The following MAP3K19 variants were observed in gnomAD, a reference collection of about 807,000 sequenced individuals.
The protein encoded by MAP3K19 is mitogen-activated protein kinase kinase kinase 19, also known as SPS1/STE20-related protein kinase YSK4.
In MAP3K19, 91 loss-of-function variants were observed where a neutral mutation model predicts 114.4. The ratio of observed to expected loss-of-function variants is 0.80; its 90% confidence interval spans 0.67 to 0.95. The LOEUF is 0.95. MAP3K19 is among the 40% of genes least tolerant of loss of function. The pLI is 0.00. For synonymous variants in MAP3K19, 518 were observed against 530.5 expected (o/e 0.98, Z 0.32); for missense variants, 1,471 against 1,573.2 (o/e 0.94, Z 1.10).
chr2:134,977,003 A>G (rs1308250076), intron 12 of MAP3K19, among the ~76,000 whole-genome samples: 1 of 148,716 alleles, frequency 6.7e-6, no homozygotes, highest in African/African-American at 2.5e-5. Flanking sequence ...CCAAGGTCAC[A>G]CCACCGCATT....
Position 134,985,983 on chromosome 2 carries a change from T to G in MAP3K19, c.2889A>C (p.Glu963Asp), listed in dbSNP as rs1685066637. The G allele has an allele frequency of 6.2e-7, 1 of 1,613,654 alleles. No homozygotes were observed. Among genetic ancestry groups the G allele is most frequent in the African/African-American group, 1.3e-5 (1 of 74,920 alleles). Residue 963 changes from glutamate to aspartate, a missense_variant, in exon 10 of 13, where the codon GAA (glutamate) becomes GAC (aspartate). Glu to Asp is a conservative substitution (Grantham distance 45, BLOSUM62 2). Coordinates refer to ENST00000392915, the MANE Select transcript of MAP3K19 (RefSeq NM_025052.5). Reference sequence around the variant, plus strand: ...AACCTAATAGTTCATCTGTCAATTCTTCATTATTTACAGAGTCCATAATTT... The same window carrying G: ...AACCTAATAGTTCATCTGTCAATTCGTCATTATTTACAGAGTCCATAATTT... The part of the protein sequence containing the change: ...SQEIMDSVNN[E>D]ELTDELLGCL...
In MAP3K19 at chr2:134,977,047, G is replaced by GAAAAAA. The variant is rs369837575; in HGVS notation, c.3920+3768_3920+3773dup. 1.1e-4 allele frequency among the ~76,000 whole-genome samples: 13 copies of GAAAAAA among 116,196 alleles called. 1 individual carries two copies. The highest frequency in any genetic ancestry group is 4.1e-4 in the African/African-American group (13 of 31,390). 76.2% of individuals were successfully genotyped at this position (116,196 alleles called of 152,430 possible). A position where few individuals can be genotyped will look rare whatever the true frequency, so the allele number is the denominator to read the frequency against. On this transcript the variant is annotated intron_variant, in intron 12 of 12. Transcript: ENST00000392915. The stretch of plus-strand genomic sequence containing the variant: ...GGTAACAAAGCAAGACTCCGTCTCG[G>GAAAAAA]AAAAAAAAAAAAAAAAAAAATTCTT...
rs151074467 is a variant in MAP3K19, at chr2:135,020,726, G to T, written c.138+989C>A. Among the ~76,000 whole-genome samples the T allele has an allele frequency of 1.6e-3, 241 of 152,260 alleles. 4 individuals are homozygous for T. In the East Asian group the frequency reaches 0.043, roughly 27 times the overall value. ...TCCCCCATACTGTTCTTGTGATAGT[G>T]GGGGAGTTCTCACAAGATCTGATGG... On this transcript the variant is annotated intron_variant, in intron 5 of 12. Coordinates refer to ENST00000392915, the MANE Select transcript of MAP3K19 (RefSeq NM_025052.5).
In MAP3K19 at chr2:135,036,557, T is replaced by A. The variant is rs142294127; in HGVS notation, c.-284+3806A>T. On this transcript the variant is annotated intron_variant, in intron 2 of 12. Transcript: ENST00000392915. The stretch of plus-strand genomic sequence containing the variant: ...GGAGGGTAAGGTTTGGGAAGAAAGA[T>A]GATGAAGATAATTTTGGACATGTTA... 5.3e-5 allele frequency among the ~76,000 whole-genome samples: 8 copies of A among 152,108 alleles called. No individual in the cohort carries two copies. The East Asian group carries it at 1.5e-3, about 29-fold the overall frequency.
At chr2:135,046,255 T>C (rs1466374998) in intron 1 of MAP3K19, among the ~76,000 whole-genome samples, 6 of 152,188 alleles carry the variant, frequency 3.9e-5, no homozygotes, top group African/African-American at 1.4e-4. Context: ...TTTCTCAATT[T>C]TCCATTTAGA....
intron 5 of MAP3K19, among the ~76,000 whole-genome samples, chr2:135,016,274 A>G (rs1687582059): frequency 6.6e-6 from 1 of 152,216 alleles, no homozygotes; most frequent in South Asian, 2.1e-4. Flanking sequence ...ATTGTTTTGT[A>G]TATGACTATC....
intron 6 of MAP3K19, 43 bp downstream of exon 6, chr2:135,005,392 T>C: frequency 7.1e-7 from 1 of 1,402,090 alleles, no homozygotes; most frequent in Non-Finnish European, 1.0e-6. Flanking sequence ...GCCCATATGA[T>C]AATGTTATCT....
chr2:135,005,710 A>G (rs7569995), intron 5 of MAP3K19, among the ~76,000 whole-genome samples, 179 bp from the exon 6 acceptor site: 37,698 of 152,182 alleles, frequency 0.25, 5,802 homozygotes, highest in African/African-American at 0.4. Context: ...CTAGGCTCAG[A>G]CAGTCATGGT....
At chr2:135,031,717 C>G (rs11891406) in intron 2 of MAP3K19, among the ~76,000 whole-genome samples, 9,009 of 152,132 alleles carry the variant, frequency 0.059, 515 homozygotes, top group African/African-American at 0.15. Flanking sequence ...GAGACGACAG[C>G]GACTGAACAA....
At chr2:135,045,156 C>T (rs1190750525) in intron 1 of MAP3K19, among the ~76,000 whole-genome samples, 2 of 152,182 alleles carry the variant, frequency 1.3e-5, no homozygotes, top group Non-Finnish European at 2.9e-5. Context: ...GCCAGATTGT[C>T]CTCCAGAATG....
intron 8 of MAP3K19, among the ~76,000 whole-genome samples, chr2:134,998,125 G>A (rs147238142): frequency 5.6e-4 from 85 of 152,274 alleles, no homozygotes; most frequent in Middle Eastern, 3.4e-3. Flanking sequence ...GCTCAATGTA[G>A]TTGGAAGTTG....
At chr2:134,990,342 C>A (rs1359143328) in intron 9 of MAP3K19, among the ~76,000 whole-genome samples, 1 of 152,200 alleles carries the variant, frequency 6.6e-6, no homozygotes, top group African/African-American at 2.4e-5. Context: ...CCCTCCTGTT[C>A]CTCCTCGTCC....
At chr2:135,025,353 C>T (rs781759734) in intron 3 of MAP3K19, among the ~76,000 whole-genome samples, 3 of 146,594 alleles carry the variant, frequency 2.0e-5, no homozygotes, top group Non-Finnish European at 4.5e-5. Context: ...CCAAAGTGTG[C>T]CTCTCCACAT....
At chr2:135,041,842 AG>A (rs1191827617) in intron 1 of MAP3K19, among the ~76,000 whole-genome samples, 1 of 139,864 alleles carries the variant, frequency 7.1e-6, no homozygotes, top group Non-Finnish European at 1.6e-5. Context: ...AAAACAAACA[AG>A]AAAAAGTCTA....
At chr2:135,036,936 C>A (rs992938534) in intron 2 of MAP3K19, among the ~76,000 whole-genome samples, 2 of 151,762 alleles carry the variant, frequency 1.3e-5, no homozygotes, top group Non-Finnish European at 2.9e-5. Flanking sequence ...AGGAAGATGT[C>A]AGACTGCAGT....
rs1451958337 is a variant in MAP3K19 at position 134,968,778 on chromosome 2, C to T, written c.3921-3862G>A. Among the ~76,000 whole-genome samples the T allele has an allele frequency of 6.0e-5, 9 of 150,322 alleles. No homozygotes were observed. The East Asian group carries it at 7.8e-4, about 13-fold the overall frequency. ...GCGGCCGGGCAGAGACGCTCCTCAC[C>T]TCCTAGATGTGATGGCGGCTGGGAA... On this transcript the variant is annotated intron_variant, in intron 12 of 12. Coordinates refer to ENST00000392915, the MANE Select transcript of MAP3K19 (RefSeq NM_025052.5).
intron 12 of MAP3K19, among the ~76,000 whole-genome samples, chr2:134,979,809 A>C (rs1179769836): frequency 6.6e-6 from 1 of 152,132 alleles, no homozygotes; most frequent in Non-Finnish European, 1.5e-5. Context: ...GAAATCAGCC[A>C]GGACAGGCTG....
At chr2:135,023,540 G>A in intron 4 of MAP3K19, 1 of 533,266 alleles carries the variant, frequency 1.9e-6, no homozygotes, top group South Asian at 1.4e-5. Flanking sequence ...TTTGTTGGTT[G>A]TATTTCCATC....
intron 3 of MAP3K19, among the ~76,000 whole-genome samples, chr2:135,029,658 T>C (rs552947329): frequency 2.0e-5 from 3 of 152,348 alleles, no homozygotes; most frequent in South Asian, 2.1e-4. Context: ...CTAGCAGCAA[T>C]TGATTTTCTT....
Sources: allele counts gnomAD v4.1 joint callset (sites outside exome capture counted in the v4.1 genomes callset), GRCh38; gene constraint gnomAD v4.1.1; transcripts MANE v1.5; gene names NCBI Gene and HGNC (gene_info 2026-07-23, HGNC 2026-07-21).